Variants in THADA observed in about 807,000 individuals in gnomAD.
THADA encodes tRNA (32-2'-O)-methyltransferase regulator THADA.
A neutral mutation model predicts 219.8 loss-of-function variants in THADA; 213 were observed. The ratio of observed to expected loss-of-function variants is 0.97; its 90% CI spans 0.87 to 1.09. THADA has a LOEUF of 1.09. Among genes scored for constraint, THADA ranks in the 50% least tolerant of loss-of-function variants. THADA has a pLI of 0.00. For synonymous variants in THADA, 1,018 were observed against 828.9 expected, an observed-to-expected ratio of 1.23 and a Z score of -3.92; for missense variants, 2,956 against 2,311.3, an observed-to-expected ratio of 1.28 and a Z score of -5.72.
intron 36 of THADA, among the ~76,000 whole-genome samples, chr2:43,233,812 T>A (rs1021528697): frequency 2.8e-4 from 42 of 152,050 alleles, no homozygotes; most frequent in African/African-American, 9.2e-4. Flanking sequence ...CTGGAGGGTG[T>A]CTGAAACACG....
intron 7 of THADA, among the ~76,000 whole-genome samples, chr2:43,582,757 A>G (rs1447256064): frequency 6.6e-6 from 1 of 151,468 alleles, no homozygotes; most frequent in East Asian, 2.0e-4. Context: ...TAGTAGAGAC[A>G]GGGGTTTCAC....
rs1473224894 is a variant in THADA at position 43,586,397 on chromosome 2, T to C, written c.533+4A>G. 3.2e-6 allele frequency: 5 copies of C among 1,582,696 alleles called. No homozygotes were observed. Among genetic ancestry groups the C allele is most frequent in the Middle Eastern group, 1.7e-4 (1 of 6,004 alleles). On this transcript the variant is annotated splice_donor_region_variant and intron_variant, in intron 7 of 37. Transcript: ENST00000405975. ...ACACACAAATGCCAACATATAGCAC[T>C]TGCCTATTTTCTTCCAGGATTTCAA...
At chr2:43,566,893 C>G in intron 14 of THADA, 72 bp from the exon 15 acceptor site, 1 of 1,064,514 alleles carries the variant, frequency 9.4e-7, no homozygotes, top group East Asian at 3.0e-5. Context: ...TATTAAACAC[C>G]CTTTAAGAGT....
At position 43,232,718 on chromosome 2, in the gene THADA, G is replaced by A. The variant is rs749182808; in HGVS notation, c.5461C>T (p.His1821Tyr). 6.2e-7 allele frequency: 1 copy of A among 1,613,838 alleles called. No homozygotes were observed. Residue 1821 changes from histidine (H) to tyrosine (Y), a missense_variant, in exon 37 of 38, where the codon CAT becomes TAT. By Grantham distance (83) the His-to-Tyr change is moderately conservative. Transcript: ENST00000405975. ...CCCTGACACCCCGGGATCACCTGAT[G>A]CATGCTCTCCACACAGGCCACGAGG... ...DDLVACVESM[H>Y]QVEEDYLFEK...
In THADA at chr2:43,292,150, G is replaced by A. The variant is rs1309212843; in HGVS notation, c.4891C>T (p.Pro1631Ser). Reference protein sequence around the residue: ...PQTEHCVHLTPKEFLIWTMDI... With the variant: ...PQTEHCVHLTSKEFLIWTMDI... ...ATCGTCCAGATCAAGAACTCCTTTGGGGTCAGATGGACACAGTGCTCCGTC... is the reference window on the plus strand; with the variant it reads ...ATCGTCCAGATCAAGAACTCCTTTGAGGTCAGATGGACACAGTGCTCCGTC... Residue 1631 changes from proline (P) to serine (S), a missense_variant, in exon 33 of 38, where the codon CCA becomes TCA. Transcript: ENST00000405975. The A allele has an allele frequency of 6.2e-7, 1 of 1,611,964 alleles. No homozygotes were observed. Among genetic ancestry groups the A allele is most frequent in the East Asian group, 2.2e-5 (1 of 44,860 alleles).
intron 34 of THADA, among the ~76,000 whole-genome samples, chr2:43,288,741 C>T (rs755107682): frequency 1.3e-5 from 2 of 152,184 alleles, no homozygotes; most frequent in Admixed American, 6.5e-5. Flanking sequence ...CATTGGACAT[C>T]GGTGATCAAC....
intron 15 of THADA, chr2:43,563,570 C>T (rs781145447): frequency 6.6e-6 from 1 of 152,116 alleles, no homozygotes; most frequent in Non-Finnish European, 1.5e-5. Flanking sequence ...GGAAGAAGCA[C>T]CTTGTTTGGG....
At chr2:43,273,364 G>A (rs1672352241) in intron 36 of THADA, among the ~76,000 whole-genome samples, 1 of 152,120 alleles carries the variant, frequency 6.6e-6, no homozygotes, top group African/African-American at 2.4e-5. Context: ...ATAGGTAGGA[G>A]GATATATTCT....
intron 36 of THADA, among the ~76,000 whole-genome samples, chr2:43,244,834 G>C (rs910928496): frequency 1.3e-5 from 2 of 152,200 alleles, no homozygotes; most frequent in African/African-American, 4.8e-5. Context: ...ACTCTGACCA[G>C]GTGGTAAGTG....
chr2:43,376,106 A>C (rs1671354814), intron 29 of THADA, among the ~76,000 whole-genome samples: 2 of 152,180 alleles, frequency 1.3e-5, no homozygotes, highest in African/African-American at 2.4e-5. Context: ...GGCCTCTCCA[A>C]GGATTCTACA....
intron 28 of THADA, among the ~76,000 whole-genome samples, chr2:43,408,873 C>T (rs2104753048): frequency 1.3e-5 from 2 of 152,264 alleles, no homozygotes; most frequent in South Asian, 4.1e-4. Context: ...CTAACACTAA[C>T]CATACTCAAT....
In THADA at chr2:43,498,907, C is replaced by T. The variant is rs761627286; in HGVS notation, c.3670G>A (p.Gly1224Arg). ...LRALFRDTRL[G>R]ENIIPYVADG... ...GCAACATAAGGAATAATATTTTCTC[C>T]CAGGCGCGTATCTCTGAACAATGCT... The change falls in exon 25 of 38, where the codon GGA becomes AGA. Residue 1224 changes from glycine (G) to arginine (R), a missense_variant. Physicochemically the swap from Gly to Arg is moderately radical, Grantham distance 125. Coordinates refer to ENST00000405975, the MANE Select transcript of THADA (RefSeq NM_022065.5). 5.2e-5 allele frequency: 84 copies of T among 1,600,044 alleles called. No homozygotes were observed. Among genetic ancestry groups the T allele is most frequent in the Admixed American group, 1.2e-4 (7 of 57,644 alleles).
At chr2:43,578,871 TGAC>T (rs931936280) in intron 8 of THADA, among the ~76,000 whole-genome samples, 7 of 152,188 alleles carry the variant, frequency 4.6e-5, no homozygotes, top group Non-Finnish European at 1.0e-4. Flanking sequence ...CTCACTCTGT[TGAC>T]AGGCTGGAGT....
chr2:43,563,821 T>A (rs1248864112), intron 15 of THADA: 1 of 152,168 alleles, frequency 6.6e-6, no homozygotes, highest in Non-Finnish European at 1.5e-5. Flanking sequence ...TGAATTTACA[T>A]CTCCCATCCT....
At chr2:43,284,441 C>T (rs1442613179) in intron 35 of THADA, among the ~76,000 whole-genome samples, 1 of 152,166 alleles carries the variant, frequency 6.6e-6, no homozygotes, top group Non-Finnish European at 1.5e-5. Context: ...GGGTGCAAGC[C>T]CCAAGCCTTG....
At chr2:43,440,278 T>G (rs1680684686) in intron 26 of THADA, among the ~76,000 whole-genome samples, 1 of 152,238 alleles carries the variant, frequency 6.6e-6, no homozygotes, top group African/African-American at 2.4e-5. Flanking sequence ...TGATCTATTT[T>G]CTTCCATTTA....
At chr2:43,374,750 G>C (rs112482674) in intron 29 of THADA, among the ~76,000 whole-genome samples, 15 of 152,028 alleles carry the variant, frequency 9.9e-5, no homozygotes, top group African/African-American at 3.6e-4. Flanking sequence ...TATTAGTTTA[G>C]TGTGATCCTA....
intron 28 of THADA, among the ~76,000 whole-genome samples, chr2:43,409,002 G>A (rs1675946310): frequency 6.6e-6 from 1 of 152,110 alleles, no homozygotes; most frequent in Non-Finnish European, 1.5e-5. Context: ...ATCCCATCAT[G>A]AAAGCACCCT....
At chr2:43,481,040 T>C (rs1027099856) in intron 26 of THADA, among the ~76,000 whole-genome samples, 1 of 152,158 alleles carries the variant, frequency 6.6e-6, no homozygotes, top group African/African-American at 2.4e-5. Context: ...TCCCAAACAA[T>C]AGCGTGGGTA....
Sources: gnomAD v4.1 joint callset for allele counts (sites outside exome capture counted in the v4.1 genomes callset) on GRCh38, gnomAD v4.1.1 for gene constraint, MANE v1.5 for transcripts, NCBI Gene and HGNC (gene_info 2026-07-23, HGNC 2026-07-21) for gene names.